The following MIPOL1 variants were observed in gnomAD, a reference collection of about 807,000 sequenced individuals.
MIPOL1 encodes the protein mirror-image polydactyly 1, also known as mirror-image polydactyly gene 1 protein.
MIPOL1 carries 57 observed loss-of-function variants against 60.9 expected under a neutral mutation model. The ratio of observed to expected loss-of-function variants is 0.94; its 90% CI spans 0.76 to 1.17. The LOEUF (loss-of-function observed/expected upper bound fraction) is 1.17. Among genes scored for constraint, MIPOL1 ranks in the 50% most tolerant of loss-of-function variants. The pLI, the probability that MIPOL1 is intolerant of heterozygous loss-of-function variation, is 0.00. For synonymous variants in MIPOL1, 179 were observed against 168.8 expected (o/e 1.06, Z -0.47); for missense variants, 551 against 511.6 (o/e 1.08, Z -0.74).
intron 11 of MIPOL1, among the ~76,000 whole-genome samples, chr14:37,459,950 G>T (rs1277443201): frequency 6.6e-6 from 1 of 151,944 alleles, no homozygotes; most frequent in South Asian, 2.1e-4. Flanking sequence ...TGGCTGGCAG[G>T]TGCCTGTAAC....
At chr14:37,488,269 C>T (rs779728020) in intron 11 of MIPOL1, among the ~76,000 whole-genome samples, 21 of 152,070 alleles carry the variant, frequency 1.4e-4, no homozygotes, top group Non-Finnish European at 2.6e-4. Flanking sequence ...AGAATAAGTG[C>T]AATAGGTGCT....
intron 11 of MIPOL1, among the ~76,000 whole-genome samples, chr14:37,459,709 A>G (rs1242795263): frequency 6.6e-6 from 1 of 152,180 alleles, no homozygotes; most frequent in Non-Finnish European, 1.5e-5. Flanking sequence ...AGGGAAGGAC[A>G]CATACACACA....
At chr14:37,260,102 G>A (rs1425425750) in intron 3 of MIPOL1, among the ~76,000 whole-genome samples, 1 of 151,828 alleles carries the variant, frequency 6.6e-6, no homozygotes, top group Non-Finnish European at 1.5e-5. Context: ...TTCTTTAGCT[G>A]ATTTTCTAAT....
intron 12 of MIPOL1, among the ~76,000 whole-genome samples, chr14:37,510,728 T>C (rs549489469): frequency 6.6e-6 from 1 of 152,160 alleles, no homozygotes; most frequent in South Asian, 2.1e-4. Flanking sequence ...TTTCAGAGAA[T>C]AACAGATTAA....
chr14:37,214,894 G>A (rs768217238), intron 1 of MIPOL1, among the ~76,000 whole-genome samples: 5 of 152,010 alleles, frequency 3.3e-5, no homozygotes, highest in South Asian at 2.1e-4. Flanking sequence ...CCTTTCCCTC[G>A]GGGAGTTTAG....
chr14:37,299,705 C>T (rs1191900410), intron 7 of MIPOL1, among the ~76,000 whole-genome samples: 4 of 152,074 alleles, frequency 2.6e-5, no homozygotes. Context: ...TTATTGTTAA[C>T]ATCTTAAATT....
intron 12 of MIPOL1, among the ~76,000 whole-genome samples, chr14:37,510,141 A>G (rs1169790026): frequency 1.3e-5 from 2 of 152,070 alleles, no homozygotes; most frequent in Non-Finnish European, 2.9e-5. Flanking sequence ...GCTTATATAT[A>G]CACACATCTA....
At chr14:37,522,739 T>G (rs1403873521) in intron 12 of MIPOL1, among the ~76,000 whole-genome samples, 1 of 152,174 alleles carries the variant, frequency 6.6e-6, no homozygotes, top group Non-Finnish European at 1.5e-5. Context: ...GAATACATCA[T>G]TTATCGTGTA....
chr14:37,357,090 A>G (rs1414886200), intron 9 of MIPOL1, among the ~76,000 whole-genome samples: 1 of 152,210 alleles, frequency 6.6e-6, no homozygotes, highest in Non-Finnish European at 1.5e-5. Context: ...TATCTCTTCA[A>G]TATACTGATT....
chr14:37,417,320 T>C (rs953865331), intron 10 of MIPOL1, among the ~76,000 whole-genome samples: 1 of 152,356 alleles, frequency 6.6e-6, no homozygotes, highest in Non-Finnish European at 1.5e-5. Context: ...TCTCTCATCA[T>C]GTCAGACTAT....
At chr14:37,413,069 A>G (rs1275346457) in intron 10 of MIPOL1, among the ~76,000 whole-genome samples, 3 of 152,070 alleles carry the variant, frequency 2.0e-5, no homozygotes, top group Admixed American at 6.6e-5. Context: ...TCAATGCCAC[A>G]TTGTGGAAGG....
chr14:37,368,843 CT>C (rs2092557500), intron 9 of MIPOL1, among the ~76,000 whole-genome samples: 1 of 151,952 alleles, frequency 6.6e-6, no homozygotes, highest in African/African-American at 2.4e-5. Flanking sequence ...GAAACTTTAA[CT>C]TATTATTTTT....
intron 6 of MIPOL1, chr14:37,277,024 G>A (rs2083713266): frequency 6.6e-6 from 1 of 151,080 alleles, no homozygotes; most frequent in African/African-American, 2.4e-5. Context: ...TCCTAGAAAA[G>A]TTTGGTTTTT....
At chr14:37,285,687 G>A (rs1205760715) in intron 7 of MIPOL1, among the ~76,000 whole-genome samples, 1 of 151,804 alleles carries the variant, frequency 6.6e-6, no homozygotes, top group Non-Finnish European at 1.5e-5. Flanking sequence ...CGCCTCCCGG[G>A]TTCAAGTGAT....
chr14:37,206,688 G>A lies in MIPOL1; in HGVS notation c.-199+8584G>A, dbSNP rs576213364. Among the ~76,000 whole-genome samples the A allele has an allele frequency of 7.9e-5, 12 of 152,330 alleles. No individual in the cohort carries two copies. The South Asian group carries it at 2.5e-3, about 32-fold the overall frequency. ...TGGGAGGGAGGCTGTACCCTGCAAAGCCACAGGGGCAGAGCTGCCCAAGAT... is the reference window on the plus strand; with the variant it reads ...TGGGAGGGAGGCTGTACCCTGCAAAACCACAGGGGCAGAGCTGCCCAAGAT... On this transcript the variant is annotated intron_variant, in intron 1 of 12. Coordinates refer to ENST00000684589, the MANE Select transcript of MIPOL1 (RefSeq NM_001388067.1).
intron 1 of MIPOL1, among the ~76,000 whole-genome samples, chr14:37,229,740 T>C (rs992111560): frequency 6.6e-6 from 1 of 152,190 alleles, no homozygotes; most frequent in Non-Finnish European, 1.5e-5. Flanking sequence ...TACATACTTT[T>C]TGTCATGATT....
intron 10 of MIPOL1, among the ~76,000 whole-genome samples, chr14:37,377,029 T>C (rs2092794999): frequency 6.6e-6 from 1 of 152,122 alleles, no homozygotes; most frequent in South Asian, 2.1e-4. Flanking sequence ...CTATGTCTGC[T>C]CTTCCACTTG....
chr14:37,334,249 C>A (rs2089947334), intron 9 of MIPOL1, among the ~76,000 whole-genome samples: 1 of 151,926 alleles, frequency 6.6e-6, no homozygotes, highest in South Asian at 2.1e-4. Context: ...AGAATTTATT[C>A]ATCTGGGTTA....
At chr14:37,371,271 C>A (rs1411037561) in intron 10 of MIPOL1, among the ~76,000 whole-genome samples, 2 of 151,908 alleles carry the variant, frequency 1.3e-5, no homozygotes, top group African/African-American at 4.8e-5. Flanking sequence ...AGGTGCCCAC[C>A]ACCAAGCCTG....
Sources: gnomAD v4.1 joint callset for allele counts (sites outside exome capture counted in the v4.1 genomes callset) on GRCh38, gnomAD v4.1.1 for gene constraint, MANE v1.5 for transcripts, NCBI Gene and HGNC (gene_info 2026-07-23, HGNC 2026-07-21) for gene names.